RPS6KC1: variants seen among roughly 807,000 people sequenced by gnomAD.
RPS6KC1 encodes inactive ribosomal protein S6 kinase delta-1.
In RPS6KC1, 54 loss-of-function variants were observed where a neutral mutation model predicts 103.8. That is an observed-to-expected ratio of 0.52 (90% CI 0.42 to 0.65). RPS6KC1 has a LOEUF of 0.65. Among genes scored for constraint, RPS6KC1 ranks in the 30% least tolerant of loss-of-function variants. The pLI is 0.00. For missense variants in RPS6KC1, 1,151 were observed against 1,253.8 expected, an observed-to-expected ratio of 0.92 and a Z score of 1.24; for synonymous variants, 439 against 438.7, an observed-to-expected ratio of 1.00 and a Z score of -0.01.
At chr1:213,426,064 T>C in the RPS6KC1 span, among the ~76,000 whole-genome samples, 4 of 152,166 alleles carry the variant, frequency 2.6e-5, no homozygotes, top group Admixed American at 1.3e-4. Flanking sequence ...AGCCCCCTTT[T>C]TCCCCATGTG....
the RPS6KC1 span, among the ~76,000 whole-genome samples, chr1:213,491,557 C>CA: frequency 6.6e-6 from 1 of 152,086 alleles, no homozygotes; most frequent in Non-Finnish European, 1.5e-5. Context: ...AACAAACAAA[C>CA]AAACAAACAA....
chr1:213,559,266 C>G, the RPS6KC1 span, among the ~76,000 whole-genome samples: 1 of 152,174 alleles, frequency 6.6e-6, no homozygotes, highest in African/African-American at 2.4e-5. Context: ...TGACTCATGG[C>G]CACCACACTG....
At chr1:213,603,168 A>G in the RPS6KC1 span, among the ~76,000 whole-genome samples, 2 of 152,388 alleles carry the variant, frequency 1.3e-5, no homozygotes, top group South Asian at 4.1e-4. Flanking sequence ...TCTCAGACAT[A>G]GCTTGTCCAA....
At chr1:213,685,897 G>A in the RPS6KC1 span, among the ~76,000 whole-genome samples, 2 of 152,172 alleles carry the variant, frequency 1.3e-5, no homozygotes, top group Non-Finnish European at 2.9e-5. Context: ...TTTAAGAGCA[G>A]GTTGATGGTA....
chr1:213,583,834 AAAAAG>A, the RPS6KC1 span, among the ~76,000 whole-genome samples: 23 of 123,392 alleles, frequency 1.9e-4, no homozygotes, highest in Non-Finnish European at 3.4e-4. Context: ...AAAAAAAAAA[AAAAAG>A]AAAAAAGAAA....
the RPS6KC1 span, among the ~76,000 whole-genome samples, chr1:213,670,823 G>T: frequency 6.6e-6 from 1 of 152,196 alleles, no homozygotes; most frequent in Non-Finnish European, 1.5e-5. Context: ...GGCAGGGCTG[G>T]TCAGCCTCCA....
At chr1:213,169,320 C>T (rs2091274015) in intron 7 of RPS6KC1, among the ~76,000 whole-genome samples, 1 of 152,106 alleles carries the variant, frequency 6.6e-6, no homozygotes. Flanking sequence ...TTGACCATTT[C>T]TTATAAAACA....
At chr1:213,055,463 T>C (rs1337001342) in intron 1 of RPS6KC1, among the ~76,000 whole-genome samples, 2 of 152,242 alleles carry the variant, frequency 1.3e-5, no homozygotes, top group Non-Finnish European at 2.9e-5. Context: ...ATATACTGCA[T>C]TTTATCTGAT....
the RPS6KC1 span, among the ~76,000 whole-genome samples, chr1:213,544,490 A>G: frequency 6.6e-6 from 1 of 152,256 alleles, no homozygotes; most frequent in South Asian, 2.1e-4. Context: ...AGCTCAGGGC[A>G]TGCTGTGGCT....
chr1:213,127,760 ACTT>A (rs2148979506), intron 5 of RPS6KC1, among the ~76,000 whole-genome samples: 1 of 152,286 alleles, frequency 6.6e-6, no homozygotes, highest in African/African-American at 2.4e-5. Flanking sequence ...GTTTCCCAAT[ACTT>A]AGTTTTCTGA....
At chr1:213,226,414 GT>G (rs545660630) in intron 8 of RPS6KC1, among the ~76,000 whole-genome samples, 219 of 152,264 alleles carry the variant, frequency 1.4e-3, no homozygotes, top group African/African-American at 5.0e-3. Context: ...GTGTTTTCAT[GT>G]TTTGGAGGCT....
the RPS6KC1 span, among the ~76,000 whole-genome samples, chr1:213,406,359 T>C: frequency 6.6e-6 from 1 of 152,228 alleles, no homozygotes; most frequent in African/African-American, 2.4e-5. Flanking sequence ...CCTTTCCTTT[T>C]TTTTTAGAGT....
intron 6 of RPS6KC1, among the ~76,000 whole-genome samples, chr1:213,163,886 G>C (rs764563569): frequency 3.3e-5 from 5 of 152,134 alleles, no homozygotes; most frequent in Non-Finnish European, 7.3e-5. Context: ...TGCCTAACAG[G>C]CACCTTTCTC....
At chr1:213,548,497 C>T in the RPS6KC1 span, among the ~76,000 whole-genome samples, 1 of 152,082 alleles carries the variant, frequency 6.6e-6, no homozygotes, top group Admixed American at 6.5e-5. Context: ...CCCATCTCTA[C>T]TAAAAGTACA....
intron 6 of RPS6KC1, among the ~76,000 whole-genome samples, chr1:213,133,843 C>T (rs549134466): frequency 6.6e-6 from 1 of 152,222 alleles, no homozygotes; most frequent in Admixed American, 6.5e-5. Context: ...ATATTTTCTT[C>T]GTATTGTGCT....
At chr1:213,795,127 A>G in the RPS6KC1 span, among the ~76,000 whole-genome samples, 28 of 152,298 alleles carry the variant, frequency 1.8e-4, no homozygotes, top group East Asian at 4.8e-3. Context: ...TCAACTCAAT[A>G]TATGTGTGTA....
chr1:213,742,603 C>T, the RPS6KC1 span, among the ~76,000 whole-genome samples: 7 of 152,226 alleles, frequency 4.6e-5, no homozygotes, highest in Admixed American at 2.0e-4. Flanking sequence ...TACTAGCATG[C>T]TTTCGATGGC....
the RPS6KC1 span, among the ~76,000 whole-genome samples, chr1:213,655,096 G>A: frequency 6.6e-6 from 1 of 152,208 alleles, no homozygotes; most frequent in Non-Finnish European, 1.5e-5. Flanking sequence ...AGGCTGGAAT[G>A]CAGTTGCATG....
chr1:213,545,654 T>C, the RPS6KC1 span, among the ~76,000 whole-genome samples: 5 of 152,046 alleles, frequency 3.3e-5, no homozygotes, highest in African/African-American at 1.2e-4. Context: ...CCAAATAAGG[T>C]CTCATTCTGA....
Sources: gnomAD v4.1 joint callset for allele counts (sites outside exome capture counted in the v4.1 genomes callset) on GRCh38, gnomAD v4.1.1 for gene constraint, MANE v1.5 for transcripts, NCBI Gene and HGNC (gene_info 2026-07-23, HGNC 2026-07-21) for gene names.